Variants in GPD2 observed in about 807,000 individuals in gnomAD.
GPD2 encodes the protein glycerol-3-phosphate dehydrogenase 2.
Under a neutral mutation model 82.4 loss-of-function variants are expected in GPD2, and 54 were observed. The observed-to-expected ratio is 0.66, with a 90% CI of 0.53 to 0.82. GPD2 has a LOEUF of 0.82. Ranked by LOEUF, GPD2 falls within the 40% of genes least tolerant of loss-of-function variation. GPD2 has a pLI of 0.00. For synonymous variants in GPD2, 288 were observed against 306.1 expected, an observed-to-expected ratio of 0.94 and a Z score of 0.62; for missense variants, 748 against 896.2, an observed-to-expected ratio of 0.83 and a Z score of 2.11.
intron 6 of GPD2, among the ~76,000 whole-genome samples, chr2:156,540,686 A>G (rs191392382): frequency 6.6e-6 from 1 of 152,338 alleles, no homozygotes; most frequent in African/African-American, 2.4e-5. Context: ...AATAATTCTA[A>G]TATTTTGAAA....
intron 1 of GPD2, among the ~76,000 whole-genome samples, chr2:156,459,192 A>T (rs1487848690): frequency 6.6e-6 from 1 of 152,036 alleles, no homozygotes; most frequent in African/African-American, 2.4e-5. Context: ...GGTGCCATTT[A>T]TTTTTTTAGA....
chr2:156,522,358 A>T (rs995353161), intron 6 of GPD2, among the ~76,000 whole-genome samples: 6 of 152,214 alleles, frequency 3.9e-5, no homozygotes, highest in African/African-American at 9.6e-5. Flanking sequence ...AAAAGCTTAA[A>T]GACAGTGCTA....
At chr2:156,410,204 CG>C in the GPD2 span, among the ~76,000 whole-genome samples, 1 of 152,234 alleles carries the variant, frequency 6.6e-6, no homozygotes, top group African/African-American at 2.4e-5. Flanking sequence ...CTCACACATG[CG>C]GGTGAATACT....
the GPD2 span, among the ~76,000 whole-genome samples, chr2:156,416,156 T>C: frequency 1.3e-5 from 2 of 151,860 alleles, no homozygotes; most frequent in African/African-American, 4.8e-5. Flanking sequence ...TATACCACAG[T>C]TCTTTGGTTG....
At chr2:156,524,233 A>G (rs1370591870) in intron 6 of GPD2, among the ~76,000 whole-genome samples, 1 of 121,338 alleles carries the variant, frequency 8.2e-6, no homozygotes, top group Non-Finnish European at 1.7e-5. Context: ...TGATGGTTTT[A>G]TGTAACAGTT....
At position 156,583,868 on chromosome 2, in the gene GPD2, A is replaced by T. The variant is rs1323229193; in HGVS notation, c.*950A>T. On this transcript the variant is annotated 3_prime_UTR_variant, in exon 17 of 17. Coordinates refer to ENST00000438166, the MANE Select transcript of GPD2 (RefSeq NM_000408.5). ...TATGATAACAAAAGATTCAATTCCC[A>T]AGCCTAAATTTTGAAGCATGTGGTA... 6.6e-6 allele frequency: 1 copy of T among 152,456 alleles called. No homozygotes were observed. Among genetic ancestry groups the T allele is most frequent in the African/African-American group, 2.4e-5 (1 of 41,414 alleles). 9.4% of individuals were successfully genotyped at this position (152,456 alleles called of 1,614,324 possible). A position where few individuals can be genotyped will look rare whatever the true frequency, so the allele number is the denominator to read the frequency against.
intron 6 of GPD2, among the ~76,000 whole-genome samples, chr2:156,546,558 A>G (rs1456454252): frequency 6.6e-6 from 1 of 152,098 alleles, no homozygotes; most frequent in Non-Finnish European, 1.5e-5. Flanking sequence ...ATGGAGGTAA[A>G]TGGATTAAGC....
chr2:156,561,208 C>T (rs545998827), intron 9 of GPD2, among the ~76,000 whole-genome samples: 11 of 151,532 alleles, frequency 7.3e-5, no homozygotes, highest in East Asian at 5.8e-4. Context: ...CCACCACACC[C>T]GGCTAATTTT....
chr2:156,572,003 A>G (rs1687658127), intron 13 of GPD2, among the ~76,000 whole-genome samples: 1 of 152,138 alleles, frequency 6.6e-6, no homozygotes, highest in Non-Finnish European at 1.5e-5. Context: ...GGTCAATCTC[A>G]CCAGTAACCT....
At chr2:156,417,654 A>C in the GPD2 span, among the ~76,000 whole-genome samples, 105 of 152,174 alleles carry the variant, frequency 6.9e-4, no homozygotes, top group African/African-American at 2.4e-3. Flanking sequence ...ATATTATTAC[A>C]TGGAATATAA....
chr2:156,528,102 T>C (rs904031588), intron 6 of GPD2, among the ~76,000 whole-genome samples: 6 of 152,152 alleles, frequency 3.9e-5, no homozygotes, highest in Non-Finnish European at 7.4e-5. Context: ...ACTACTCTCA[T>C]TCTAATAAAA....
chr2:156,540,493 A>T (rs902245341), intron 6 of GPD2, among the ~76,000 whole-genome samples: 1 of 152,216 alleles, frequency 6.6e-6, no homozygotes, highest in Non-Finnish European at 1.5e-5. Flanking sequence ...AACCATACCA[A>T]AACATGAGAC....
At chr2:156,411,772 A>C in the GPD2 span, among the ~76,000 whole-genome samples, 1 of 152,198 alleles carries the variant, frequency 6.6e-6, no homozygotes, top group Non-Finnish European at 1.5e-5. Context: ...TCAGAAGGGT[A>C]AGGAATTCCA....
intron 6 of GPD2, among the ~76,000 whole-genome samples, chr2:156,533,365 G>C (rs1319328861): frequency 6.6e-6 from 1 of 152,190 alleles, no homozygotes; most frequent in Non-Finnish European, 1.5e-5. Context: ...TGGAGCATTT[G>C]ACAGCAGTAT....
Position 156,544,658 on chromosome 2 carries a change from T to C in GPD2, c.662-4950T>C, listed in dbSNP as rs76466365. 9.7e-4 allele frequency among the ~76,000 whole-genome samples: 148 copies of C among 152,298 alleles called. 4 individuals are homozygous for C. In the East Asian group the frequency reaches 0.028, roughly 29 times the overall value. On this transcript the variant is annotated intron_variant, in intron 6 of 16. Transcript: ENST00000438166. ...AGAGAAACCAGAAATGGGAAAAGGT[T>C]GAAGTGAGATCTTGAAAGGGATAGG...
chr2:156,579,424 G>C (rs527818657), intron 15 of GPD2, among the ~76,000 whole-genome samples: 2 of 151,314 alleles, frequency 1.3e-5, no homozygotes, highest in East Asian at 3.9e-4. Context: ...CTCCTCCTGG[G>C]TTCAAGCGGT....
At chr2:156,549,901 G>C in intron 7 of GPD2, 129 bp downstream of exon 7, 1 of 802,128 alleles carries the variant, frequency 1.2e-6, no homozygotes, top group Non-Finnish European at 2.1e-6. Context: ...AATTATATTC[G>C]TTATTGTCAG....
intron 13 of GPD2, among the ~76,000 whole-genome samples, chr2:156,576,256 C>A (rs1335674085): frequency 6.6e-6 from 1 of 152,182 alleles, no homozygotes; most frequent in Non-Finnish European, 1.5e-5. Context: ...CTGATAGTTA[C>A]TCCCTTCTAG....
At chr2:156,533,042 C>A (rs1453563211) in intron 6 of GPD2, among the ~76,000 whole-genome samples, 1 of 152,180 alleles carries the variant, frequency 6.6e-6, no homozygotes. Context: ...TCCAGACTTT[C>A]AAATTGTTCC....
Sources: gnomAD v4.1 joint callset for allele counts (sites outside exome capture counted in the v4.1 genomes callset) on GRCh38, gnomAD v4.1.1 for gene constraint, MANE v1.5 for transcripts, NCBI Gene and HGNC (gene_info 2026-07-23, HGNC 2026-07-21) for gene names.